ATP11B: variants seen among roughly 807,000 people sequenced by gnomAD.
ATP11B encodes phospholipid-transporting ATPase IF.
Under a neutral mutation model 157.8 loss-of-function variants are expected in ATP11B, and 81 were observed. That is an observed-to-expected ratio of 0.51 (90% CI 0.43 to 0.62). The LOEUF (loss-of-function observed/expected upper bound fraction) is 0.62, where lower values mean the gene tolerates loss of function less well. Among genes scored for constraint, ATP11B ranks in the 20% least tolerant of loss-of-function variants. ATP11B has a pLI of 0.00. For synonymous variants in ATP11B, 451 were observed against 469.4 expected, an observed-to-expected ratio of 0.96 and a Z score of 0.51; for missense variants, 1,165 against 1,402.2, an observed-to-expected ratio of 0.83 and a Z score of 2.70.
At chr3:182,809,620 C>T (rs1716533004) in intron 1 of ATP11B, among the ~76,000 whole-genome samples, 1 of 152,140 alleles carries the variant, frequency 6.6e-6, no homozygotes, top group Admixed American at 6.6e-5. Flanking sequence ...TTGCTGGGTT[C>T]CAATATCAAG....
intron 10 of ATP11B, among the ~76,000 whole-genome samples, 163 bp from the exon 11 acceptor site, chr3:182,857,715 A>G (rs1456806310): frequency 6.6e-6 from 1 of 152,188 alleles, no homozygotes; most frequent in African/African-American, 2.4e-5. Flanking sequence ...AATAAATTCT[A>G]TTTAACGGTT....
intron 25 of ATP11B, among the ~76,000 whole-genome samples, chr3:182,894,477 C>T (rs1723389065): frequency 6.6e-6 from 1 of 152,198 alleles, no homozygotes; most frequent in East Asian, 1.9e-4. Flanking sequence ...TGAGCCACCG[C>T]ACCCAGCCTG....
At chr3:182,867,081 A>G (rs2108543547) in intron 14 of ATP11B, among the ~76,000 whole-genome samples, 1 of 151,802 alleles carries the variant, frequency 6.6e-6, no homozygotes, top group African/African-American at 2.4e-5. Context: ...GGCACAGGGC[A>G]CCACACCTGG....
chr3:182,896,281 C>T (rs549245013), intron 25 of ATP11B, among the ~76,000 whole-genome samples: 119 of 152,308 alleles, frequency 7.8e-4, no homozygotes, highest in African/African-American at 2.6e-3. Context: ...CTCTACTGTA[C>T]TGTATCCAAA....
At position 182,918,403 on chromosome 3, in the gene ATP11B, G is replaced by A. The variant is rs1235517691; in HGVS notation, c.*299G>A. ...AATGGCATTTCAGTCTGTTGCTGAG[G>A]CCATTATATTTTAATATAAATGTAG... is the stretch of plus-strand genomic sequence containing the variant. On this transcript the variant is annotated 3_prime_UTR_variant, in exon 30 of 30. Transcript: ENST00000323116. 1 of 399,816 alleles carries A rather than the reference G, an allele frequency of 2.5e-6. No homozygotes were observed. The highest frequency in any genetic ancestry group is 4.4e-6 in the Non-Finnish European group (1 of 227,100). The allele number at this position is 399,816 out of a possible 1,614,324, so 24.8% of individuals were successfully genotyped here. A position where few individuals can be genotyped will look rare whatever the true frequency, so the allele number is the denominator to read the frequency against.
chr3:182,884,844 T>C lies in ATP11B; in HGVS notation c.2601T>C (p.His867=), dbSNP rs1577075014. 6.3e-7 allele frequency: 1 copy of C among 1,581,576 alleles called. No individual in the cohort carries two copies. The highest frequency in any genetic ancestry group is 1.1e-5 in the South Asian group (1 of 88,116). ...FKFLSKLLFV[H]GHFYYIRIAT... ...TCCTCTCCAAATTGCTTTTTGTTCA[T>C]GGTCATTTTTATTATATTAGAATAG... is the stretch of plus-strand genomic sequence containing the variant. Residue 867 remains histidine, a synonymous_variant, in exon 22 of 30, where the codon CAT becomes CAC. Transcript: ENST00000323116.
intron 1 of ATP11B, among the ~76,000 whole-genome samples, chr3:182,798,447 G>C (rs1715771247): frequency 6.6e-6 from 1 of 152,206 alleles, no homozygotes; most frequent in Non-Finnish European, 1.5e-5. Context: ...TTGTGGATAA[G>C]TTTTAACCTC....
chr3:182,815,590 T>C (rs1716922858), intron 1 of ATP11B, among the ~76,000 whole-genome samples: 1 of 152,204 alleles, frequency 6.6e-6, no homozygotes, highest in South Asian at 2.1e-4. Flanking sequence ...TGTTCATTTA[T>C]TTTAATAACC....
chr3:182,916,261 TAATTTAAGAGGTGGGGCA>T, intron 29 of ATP11B: 1 of 985,358 alleles, frequency 1.0e-6, no homozygotes, highest in Non-Finnish European at 1.2e-6. Flanking sequence ...ATTTCATGTC[TAATTTAAGAGGTGGGGCA>T]AGTCTGAGAC....
chr3:182,854,458 G>A (rs1050677936), intron 10 of ATP11B, among the ~76,000 whole-genome samples: 1 of 147,976 alleles, frequency 6.8e-6, no homozygotes, highest in East Asian at 1.9e-4. Context: ...CAACAAGAGC[G>A]AAACTCCATC....
chr3:182,794,716 C>T (rs1264503352), intron 1 of ATP11B, among the ~76,000 whole-genome samples: 3 of 152,192 alleles, frequency 2.0e-5, no homozygotes, highest in African/African-American at 7.2e-5. Context: ...GCAGAAAGTA[C>T]AGCATTAAGG....
chr3:182,872,432 T>G lies in ATP11B; in HGVS notation c.1943T>G (p.Phe648Cys). Reference protein sequence around the residue: ...KEYEEIDKRIFEARTALQQRE... With the variant: ...KEYEEIDKRICEARTALQQRE... Reference sequence around the variant, plus strand: ...TATGAGGAAATAGATAAACGCATATTTGAAGCCAGGACTGCCTTGCAGCAG... The same window carrying G: ...TATGAGGAAATAGATAAACGCATATGTGAAGCCAGGACTGCCTTGCAGCAG... The change falls in exon 18 of 30, where the codon TTT (phenylalanine) becomes TGT (cysteine). Residue 648 changes from phenylalanine (F) to cysteine (C), a missense_variant. Coordinates refer to ENST00000323116, the MANE Select transcript of ATP11B (RefSeq NM_014616.3). 6.2e-7 allele frequency: 1 copy of G among 1,614,106 alleles called. No homozygotes were observed. The highest frequency in any genetic ancestry group is 8.5e-7 in the Non-Finnish European group (1 of 1,179,940).
chr3:182,873,622 A>G (rs1721823748), intron 18 of ATP11B, among the ~76,000 whole-genome samples, 190 bp from the exon 19 acceptor site: 3 of 152,254 alleles, frequency 2.0e-5, no homozygotes, highest in Non-Finnish European at 4.4e-5. Context: ...TTAACCAGAC[A>G]ATTACCAATC....
intron 1 of ATP11B, among the ~76,000 whole-genome samples, chr3:182,798,985 G>A (rs1023453554): frequency 4.6e-5 from 7 of 152,186 alleles, no homozygotes; most frequent in Non-Finnish European, 8.8e-5. Context: ...CTACAGCATT[G>A]TTTTAGATTA....
intron 28 of ATP11B, among the ~76,000 whole-genome samples, chr3:182,913,180 GCTAA>G (rs931907025): frequency 1.3e-5 from 2 of 152,150 alleles, no homozygotes; most frequent in African/African-American, 4.8e-5. Flanking sequence ...TAAACTGTCA[GCTAA>G]CTGTTACAAA....
At chr3:182,829,337 C>G (rs756753928) in intron 3 of ATP11B, among the ~76,000 whole-genome samples, 1 of 152,160 alleles carries the variant, frequency 6.6e-6, no homozygotes, top group Admixed American at 6.6e-5. Flanking sequence ...TGATATCATT[C>G]TGAATCCAAG....
chr3:182,914,127 A>C, intron 29 of ATP11B, 133 bp downstream of exon 29: 7 of 1,501,882 alleles, frequency 4.7e-6, no homozygotes, highest in Non-Finnish European at 5.3e-6. Flanking sequence ...GCTATTTATT[A>C]GCACTCTTTG....
chr3:182,889,544 G>A lies in ATP11B; in HGVS notation c.2978G>A (p.Gly993Asp). 5.8e-6 allele frequency: 9 copies of A among 1,546,650 alleles called. No homozygotes were observed. The highest frequency in any genetic ancestry group is 7.8e-6 in the Non-Finnish European group (9 of 1,156,928). ...AAAGATACATCTCTGCTTGGAAATG[G>A]CCAGGTAAAGTATATAGTTTTTTTA... Reference protein sequence around the residue: ...IGKDTSLLGNGQMFGNWTFGT... With the variant: ...IGKDTSLLGNDQMFGNWTFGT... Residue 993 changes from glycine (G) to aspartate (D), a missense_variant, in exon 25 of 30, where the codon GGC becomes GAC. Around this residue, in one of 4 missense-constraint regions of ATP11B, gnomAD observed 303 missense variants for 296.3 expected, o/e 1.02. Transcript: ENST00000323116.
At chr3:182,809,583 C>T (rs534054873) in intron 1 of ATP11B, among the ~76,000 whole-genome samples, 4 of 152,148 alleles carry the variant, frequency 2.6e-5, no homozygotes, top group Non-Finnish European at 4.4e-5. Context: ...CTGTACACAT[C>T]CTTTGCTTGA....
Sources: gnomAD v4.1 joint callset for allele counts (sites outside exome capture counted in the v4.1 genomes callset) on GRCh38, gnomAD v4.1.1 for gene constraint, gnomAD v4.1.1 regional missense constraint, MANE v1.5 for transcripts, NCBI Gene and HGNC (gene_info 2026-07-23, HGNC 2026-07-21) for gene names.